SLC35D3: variants seen among roughly 807,000 people sequenced by gnomAD.
SLC35D3 encodes solute carrier family 35 member D3, also known as frc, fringe-like 1.
In SLC35D3, 18 loss-of-function variants were observed where a neutral mutation model predicts 20.3. That is an observed-to-expected ratio of 0.89 (90% CI 0.61 to 1.32). SLC35D3 has a LOEUF of 1.32. SLC35D3 is among the 40% of genes most tolerant of loss of function. The pLI, the probability that SLC35D3 is intolerant of heterozygous loss-of-function variation, is 0.00. For synonymous variants in SLC35D3, 313 were observed against 263.5 expected (o/e 1.19, Z -1.82); for missense variants, 556 against 565.5 (o/e 0.98, Z 0.17).
Position 136,924,725 on chromosome 6 carries a change from C to T in SLC35D3, c.*29C>T. ...GGAGGTGCATGTACGTACCTATGTG[C>T]ATACACTTATTTTATATGTTAGAAA... On this transcript the variant is annotated 3_prime_UTR_variant, in exon 2 of 2. Transcript: ENST00000331858. 1.9e-6 allele frequency: 3 copies of T among 1,548,082 alleles called. No individual in the cohort carries two copies. The highest frequency in any genetic ancestry group is 2.6e-6 in the Non-Finnish European group (3 of 1,142,562).
Position 136,924,700 on chromosome 6 carries a change from G to A in SLC35D3, c.*4G>A, listed in dbSNP as rs1776111107. The A allele has an allele frequency of 1.9e-6, 3 of 1,605,218 alleles. No homozygotes were observed. Among genetic ancestry groups the A allele is most frequent in the Non-Finnish European group, 2.6e-6 (3 of 1,175,440 alleles). ...CGAGGAGTTACCCAGTCCTTGAGAA[G>A]GAGGTGCATGTACGTACCTATGTGC... On this transcript the variant is annotated 3_prime_UTR_variant, in exon 2 of 2. Transcript: ENST00000331858.
At position 136,924,573 on chromosome 6, in the gene SLC35D3, C is replaced by T. The variant is rs764185622; in HGVS notation, c.1128C>T (p.Ser376=). 1.9e-6 allele frequency: 3 copies of T among 1,613,668 alleles called. No individual in the cohort carries two copies. The highest frequency in any genetic ancestry group is 2.2e-5 in the South Asian group (2 of 91,056). ...GAGGAGTCCCGCTGGTGGCTGGGAG[C>T]TCTGAAGAAGGGAGCAGGAGGTCGT... ...SPRGVPLVAG[S]SEEGSRRSLK... Residue 376 remains serine, a synonymous_variant, in exon 2 of 2, where the codon AGC becomes AGT. Transcript: ENST00000331858.
chr6:136,922,327 C>T lies in SLC35D3; in HGVS notation c.-102C>T, dbSNP rs1562765242. 4 of 1,075,232 alleles carry T rather than the reference C, an allele frequency of 3.7e-6. No homozygotes were observed. The highest frequency in any genetic ancestry group is 4.6e-6 in the Non-Finnish European group (4 of 862,288). 66.6% of individuals were successfully genotyped at this position (1,075,232 alleles called of 1,614,324 possible). On this transcript the variant is annotated 5_prime_UTR_variant, in exon 1 of 2. Coordinates refer to ENST00000331858, the MANE Select transcript of SLC35D3 (RefSeq NM_001008783.3). The surrounding 1 kb of genome is among the most constrained non-coding windows in gnomAD (Gnocchi z 6.8). ...GCCGGCGCCCCCTGCCCTTCGCCGC[C>T]GCGCTGGGCGGGCGCCCCCGCCGCC...
At position 136,922,601 on chromosome 6, in the gene SLC35D3, T is replaced by A. The variant is rs1776076972; in HGVS notation, c.173T>A (p.Leu58Gln). Residue 58 changes from leucine (L) to glutamine (Q), a missense_variant, in exon 1 of 2, where the codon CTG becomes CAG. Coordinates refer to ENST00000331858, the MANE Select transcript of SLC35D3 (RefSeq NM_001008783.3). The surrounding 1 kb of genome is among the most constrained non-coding windows in gnomAD (Gnocchi z 6.8). The part of the protein sequence containing the change: ...TSSTAALSLE[L>Q]LRRLGLIAVP... ...TCCACCGCGGCGCTGAGCCTGGAGCTGCTGCGGCGCCTCGGGCTCATCGCC... is the reference window on the plus strand; with the variant it reads ...TCCACCGCGGCGCTGAGCCTGGAGCAGCTGCGGCGCCTCGGGCTCATCGCC... 2.5e-6 allele frequency: 4 copies of A among 1,611,800 alleles called. No homozygotes were observed. Among genetic ancestry groups the A allele is most frequent in the Non-Finnish European group, 2.5e-6 (3 of 1,179,712 alleles).
Position 136,923,547 on chromosome 6 carries a change from C to T in SLC35D3, c.440-338C>T, listed in dbSNP as rs1233256923. 2.0e-5 allele frequency among the ~76,000 whole-genome samples: 3 copies of T among 152,190 alleles called. No homozygotes were observed. Among genetic ancestry groups the T allele is most frequent in the African/African-American group, 4.8e-5 (2 of 41,450 alleles). On this transcript the variant is annotated intron_variant, in intron 1 of 1. Transcript: ENST00000331858. The surrounding 1 kb of genome is among the most constrained non-coding windows in gnomAD (Gnocchi z 6.2). Reference sequence around the variant, plus strand: ...CTCCGGGGTGCAGGTACCACGCGCCCAAGTGACCTCGGTGCCAGCTCGGGG... The same window carrying T: ...CTCCGGGGTGCAGGTACCACGCGCCTAAGTGACCTCGGTGCCAGCTCGGGG...
chr6:136,922,701 C>T lies in SLC35D3; in HGVS notation c.273C>T (p.Leu91=), dbSNP rs1415424263. The T allele has an allele frequency of 1.3e-6, 2 of 1,596,518 alleles. No homozygotes were observed. The highest frequency in any genetic ancestry group is 1.1e-5 in the South Asian group (1 of 88,650). Residue 91 remains leucine, a synonymous_variant, in exon 1 of 2, where the codon CTC becomes CTT. Coordinates refer to ENST00000331858, the MANE Select transcript of SLC35D3 (RefSeq NM_001008783.3). The surrounding 1 kb of genome is among the most constrained non-coding windows in gnomAD (Gnocchi z 6.8). ...TGCTCTCCACGCTGCAGTCCAGCCTCACGCTCTGGTCCCTGCGCGGCCTCA... is the reference window on the plus strand; with the variant it reads ...TGCTCTCCACGCTGCAGTCCAGCCTTACGCTCTGGTCCCTGCGCGGCCTCA... ...VAVLSTLQSS[L]TLWSLRGLSL...
Position 136,924,640 on chromosome 6 carries a change from A to G in SLC35D3, c.1195A>G (p.Thr399Ala), listed in dbSNP as rs1776110027. 1 of 1,614,024 alleles carries G rather than the reference A, an allele frequency of 6.2e-7. No individual in the cohort carries two copies. Among genetic ancestry groups the G allele is most frequent in the Non-Finnish European group, 8.5e-7 (1 of 1,180,002 alleles). ...YLEVWRLVRG[T>A]RYMKKDYLIE... Reference sequence around the variant, plus strand: ...CGAGGTATGGAGGTTGGTTAGGGGAACCAGGTATATGAAGAAGGATTATTT... The same window carrying G: ...CGAGGTATGGAGGTTGGTTAGGGGAGCCAGGTATATGAAGAAGGATTATTT... The change falls in exon 2 of 2, where the codon ACC (threonine) becomes GCC (alanine). Residue 399 changes from threonine to alanine, a missense_variant. Coordinates refer to ENST00000331858, the MANE Select transcript of SLC35D3 (RefSeq NM_001008783.3).
In SLC35D3 at chr6:136,924,924, A is replaced by G; in HGVS notation, c.*228A>G. The G allele has an allele frequency of 2.2e-6, 1 of 461,902 alleles. No homozygotes were observed. The highest frequency in any genetic ancestry group is 3.6e-5 in the East Asian group (1 of 28,068). 28.6% of individuals were successfully genotyped at this position (461,902 alleles called of 1,614,324 possible). A position where few individuals can be genotyped will look rare whatever the true frequency, so the allele number is the denominator to read the frequency against. On this transcript the variant is annotated 3_prime_UTR_variant, in exon 2 of 2. Coordinates refer to ENST00000331858, the MANE Select transcript of SLC35D3 (RefSeq NM_001008783.3). The stretch of plus-strand genomic sequence containing the variant: ...AGACAAAAGAATGTGAAGCTACTTA[A>G]CAAAGTAAGGCAACGTTTCTGCTTC...
In SLC35D3 at chr6:136,924,466, G is replaced by C; in HGVS notation, c.1021G>C (p.Gly341Arg). 1.2e-6 allele frequency: 2 copies of C among 1,613,816 alleles called. No individual in the cohort carries two copies. Among genetic ancestry groups the C allele is most frequent in the South Asian group, 1.1e-5 (1 of 91,062 alleles). ...CGTGATGGAGGAGCTGCCCGGGGAG[G>C]GAGGAAATGGCCGGTCAGAAGGTGG... Reference protein sequence around the residue: ...PFVMEELPGEGGNGRSEGGEA... With the variant: ...PFVMEELPGERGNGRSEGGEA... Residue 341 changes from glycine (G) to arginine (R), a missense_variant, in exon 2 of 2, where the codon GGA becomes CGA. Coordinates refer to ENST00000331858, the MANE Select transcript of SLC35D3 (RefSeq NM_001008783.3).
rs1445533526 is a variant in SLC35D3 at position 136,924,492 on chromosome 6, G to A, written c.1047G>A (p.Gly349=). 8.1e-6 allele frequency: 13 copies of A among 1,613,522 alleles called. No homozygotes were observed. In the South Asian group the frequency reaches 1.4e-4, roughly 18 times the overall value. ...GEGGNGRSEG[G]EAAGGPAQES... ...GAGGAAATGGCCGGTCAGAAGGTGG[G>A]GAGGCAGCAGGTGGCCCCGCTCAGG... is the stretch of plus-strand genomic sequence containing the variant. The change falls in exon 2 of 2, where the codon GGG becomes GGA. Residue 349 remains glycine, a synonymous_variant. Coordinates refer to ENST00000331858, the MANE Select transcript of SLC35D3 (RefSeq NM_001008783.3).
chr6:136,922,720 G>T lies in SLC35D3; in HGVS notation c.292G>T (p.Gly98Cys), dbSNP rs746882576. The change falls in exon 1 of 2, where the codon GGC (glycine) becomes TGC (cysteine). Residue 98 changes from glycine to cysteine, a missense_variant. Transcript: ENST00000331858. The surrounding 1 kb of genome is among the most constrained non-coding windows in gnomAD (Gnocchi z 6.8). ...QSSLTLWSLR[G>C]LSLPMYVVFK... ...CAGCCTCACGCTCTGGTCCCTGCGC[G>T]GCCTCAGCCTGCCCATGTACGTGGT... is the stretch of plus-strand genomic sequence containing the variant. 22 of 1,585,944 alleles carry T rather than the reference G, an allele frequency of 1.4e-5. No individual in the cohort carries two copies. The highest frequency in any genetic ancestry group is 1.7e-4 in the Middle Eastern group (1 of 6,030).
In SLC35D3 at chr6:136,924,737, TTA is replaced by T. The variant is rs775936507; in HGVS notation, c.*45_*46del. The T allele has an allele frequency of 7.0e-5, 106 of 1,523,020 alleles. No homozygotes were observed. The highest frequency in any genetic ancestry group is 1.1e-4 in the African/African-American group (8 of 72,546). 94.3% of individuals were successfully genotyped at this position (1,523,020 alleles called of 1,614,324 possible). A position where few individuals can be genotyped will look rare whatever the true frequency, so the allele number is the denominator to read the frequency against. On this transcript the variant is annotated 3_prime_UTR_variant, in exon 2 of 2. Transcript: ENST00000331858. ...ACGTACCTATGTGCATACACTTATT[TTA>T]TATGTTAGAAATGACGTGTTTTAAT...
chr6:136,922,448 G>A lies in SLC35D3; in HGVS notation c.20G>A (p.Gly7Asp). The stretch of plus-strand genomic sequence containing the variant: ...GGCGCGATGCGGCAGCTGTGCCGGG[G>A]CCGCGTGCTGGGCATCTCGGTGGCC... MRQLCR[G>D]RVLGISVAIA... The change falls in exon 1 of 2, where the codon GGC (glycine) becomes GAC (aspartate). Residue 7 changes from glycine to aspartate, a missense_variant. Gly to Asp is a moderately conservative substitution (Grantham distance 94). Transcript: ENST00000331858. This position sits in a 1 kb window ranked among gnomAD's most constrained non-coding sequence, Gnocchi z 6.8. 1.3e-6 allele frequency: 2 copies of A among 1,591,750 alleles called. No homozygotes were observed. The highest frequency in any genetic ancestry group is 1.7e-6 in the Non-Finnish European group (2 of 1,171,576).
In SLC35D3 at chr6:136,924,489, TG is replaced by T; in HGVS notation, c.1048del (p.Glu350ArgfsTer36). ...GEGGNGRSEG[G>X]EAAGGPAQES... ...AGGGAGGAAATGGCCGGTCAGAAGG[TG>T]GGGAGGCAGCAGGTGGCCCCGCTCA... On this transcript the variant is annotated frameshift_variant, in exon 2 of 2. Coordinates refer to ENST00000331858, the MANE Select transcript of SLC35D3 (RefSeq NM_001008783.3). LOFTEE classifies it high-confidence loss of function. 2.5e-6 allele frequency: 4 copies of T among 1,613,038 alleles called. No homozygotes were observed. The highest frequency in any genetic ancestry group is 3.4e-6 in the Non-Finnish European group (4 of 1,179,702).
rs890647436 is a variant in SLC35D3 at position 136,924,318 on chromosome 6, C to T, written c.873C>T (p.Thr291=). ...TCATTGCCGGCGTGGTGGTGAACAC[C>T]CTGGGCTCTATCATTTACTGTGTGG... is the stretch of plus-strand genomic sequence containing the variant. The part of the protein sequence containing the change: ...SLFIAGVVVN[T]LGSIIYCVAK... The change falls in exon 2 of 2, where the codon ACC becomes ACT. Residue 291 remains threonine, a synonymous_variant. Transcript: ENST00000331858. The T allele has an allele frequency of 1.2e-6, 2 of 1,614,136 alleles. No individual in the cohort carries two copies. Among genetic ancestry groups the T allele is most frequent in the South Asian group, 2.2e-5 (2 of 91,088 alleles).
At position 136,923,997 on chromosome 6, in the gene SLC35D3, C is replaced by G; in HGVS notation, c.552C>G (p.His184Gln). Residue 184 changes from histidine (H) to glutamine (Q), a missense_variant, in exon 2 of 2, where the codon CAC becomes CAG. His to Gln is a conservative substitution (Grantham distance 24, BLOSUM62 0). Transcript: ENST00000331858. This position sits in a 1 kb window ranked among gnomAD's most constrained non-coding sequence, Gnocchi z 6.2. ...AGAAGGCCAGCGCAGACACCGAGCA[C>G]GGGCCGCTCACCGCGCAGTACGTCA... ...LIQKASADTE[H>Q]GPLTAQYVIA... The G allele has an allele frequency of 6.3e-7, 1 of 1,592,240 alleles. No homozygotes were observed. Among genetic ancestry groups the G allele is most frequent in the African/African-American group, 1.3e-5 (1 of 74,498 alleles).
At position 136,925,305 on chromosome 6, in the gene SLC35D3, A is replaced by G. The variant is rs975260392; in HGVS notation, c.*609A>G. 3.3e-5 allele frequency: 5 copies of G among 152,672 alleles called. No individual in the cohort carries two copies. The highest frequency in any genetic ancestry group is 3.3e-4 in the Admixed American group (5 of 15,288). 9.5% of individuals were successfully genotyped at this position (152,672 alleles called of 1,614,324 possible). A position where few individuals can be genotyped will look rare whatever the true frequency, so the allele number is the denominator to read the frequency against. On this transcript the variant is annotated 3_prime_UTR_variant, in exon 2 of 2. Transcript: ENST00000331858. ...AAACTGTTAAAGCTATTTTGAAAAT[A>G]TGAGTTCTTAGCTTTAATCATGAAG...
In SLC35D3 at chr6:136,924,615, C is replaced by G. The variant is rs768525970; in HGVS notation, c.1170C>G (p.Leu390=). ...GSRRSLKDAY[L]EVWRLVRGTR... Reference sequence around the variant, plus strand: ...GGAGGTCGTTAAAAGATGCTTACCTCGAGGTATGGAGGTTGGTTAGGGGAA... The same window carrying G: ...GGAGGTCGTTAAAAGATGCTTACCTGGAGGTATGGAGGTTGGTTAGGGGAA... Residue 390 remains leucine (L), a synonymous_variant, in exon 2 of 2, where the codon CTC becomes CTG. Transcript: ENST00000331858. The G allele has an allele frequency of 1.2e-6, 2 of 1,613,930 alleles. No homozygotes were observed. Among genetic ancestry groups the G allele is most frequent in the Non-Finnish European group, 1.7e-6 (2 of 1,180,002 alleles).
chr6:136,923,350 G>C lies in SLC35D3; in HGVS notation c.439+483G>C, dbSNP rs181054927. ...ACTGCGGGGTGTCTCGTGCTGCGCAGGGGGCTGCGGCCCTGGGGCAGACGA... is the reference window on the plus strand; with the variant it reads ...ACTGCGGGGTGTCTCGTGCTGCGCACGGGGCTGCGGCCCTGGGGCAGACGA... On this transcript the variant is annotated intron_variant, in intron 1 of 1. Transcript: ENST00000331858. This position sits in a 1 kb window ranked among gnomAD's most constrained non-coding sequence, Gnocchi z 6.2. 3.1e-3 allele frequency among the ~76,000 whole-genome samples: 471 copies of C among 152,330 alleles called. 4 individuals are homozygous for C. Among genetic ancestry groups the C allele is most frequent in the Admixed American group, 8.9e-3 (136 of 15,308 alleles).
Sources: allele counts gnomAD v4.1 joint callset (sites outside exome capture counted in the v4.1 genomes callset), GRCh38; gene constraint gnomAD v4.1.1; non-coding constraint Gnocchi (gnomAD v3.1); transcripts MANE v1.5; gene names NCBI Gene and HGNC (gene_info 2026-07-23, HGNC 2026-07-21).